Variants in CDIN1 observed in about 807,000 individuals in gnomAD.
The protein encoded by CDIN1 is CDAN1 interacting nuclease 1.
In CDIN1, 33 loss-of-function variants were observed where a neutral mutation model predicts 45.3. That is an observed-to-expected ratio of 0.73 (90% CI 0.55 to 0.97). The LOEUF is 0.97. CDIN1 is among the 50% of genes least tolerant of loss of function. The pLI is 0.00. For synonymous variants in CDIN1, 118 were observed against 124.4 expected (o/e 0.95, Z 0.34); for missense variants, 303 against 339.4 (o/e 0.89, Z 0.84).
intron 10 of CDIN1, among the ~76,000 whole-genome samples, chr15:36,764,022 C>G (rs2053845297): frequency 6.6e-6 from 1 of 152,178 alleles, no homozygotes; most frequent in Non-Finnish European, 1.5e-5. Context: ...ATCACCCCTT[C>G]TATTCAGACT....
chr15:36,601,244 G>T (rs1488888385), intron 1 of CDIN1, among the ~76,000 whole-genome samples: 3 of 152,132 alleles, frequency 2.0e-5, no homozygotes, highest in South Asian at 2.1e-4. Flanking sequence ...CCTTCAGCAC[G>T]GGGTAACTTG....
At chr15:36,637,513 T>G (rs1247588136) in intron 1 of CDIN1, among the ~76,000 whole-genome samples, 1 of 152,102 alleles carries the variant, frequency 6.6e-6, no homozygotes, top group African/African-American at 2.4e-5. Context: ...TTCTGTAGTG[T>G]TGGTGGGAGT....
chr15:36,620,450 G>T lies in CDIN1; in HGVS notation c.102-23828G>T, dbSNP rs530250521. ...ATTTCAGAGTCTTAAAATTCCCTGT[G>T]ATTCCCCCTGCTAAAATGGGAAACA... On this transcript the variant is annotated intron_variant, in intron 1 of 10. Coordinates refer to ENST00000566621, the MANE Select transcript of CDIN1 (RefSeq NM_001321759.2). Among the ~76,000 whole-genome samples the T allele has an allele frequency of 3.3e-5, 5 of 152,282 alleles. No homozygotes were observed. In the East Asian group the frequency reaches 9.6e-4, roughly 29 times the overall value.
chr15:36,684,310 T>G (rs1240945396), intron 5 of CDIN1, among the ~76,000 whole-genome samples: 2 of 152,186 alleles, frequency 1.3e-5, no homozygotes, highest in Admixed American at 1.3e-4. Context: ...GTCAAAGGCC[T>G]TTTCTGCATA....
At chr15:36,761,926 G>A (rs1040564658) in intron 10 of CDIN1, among the ~76,000 whole-genome samples, 12 of 152,112 alleles carry the variant, frequency 7.9e-5, no homozygotes, top group Non-Finnish European at 1.8e-4. Context: ...AATTTAATGG[G>A]TCTAATAGCA....
chr15:36,599,725 G>A (rs2038008595), intron 1 of CDIN1, among the ~76,000 whole-genome samples: 1 of 152,144 alleles, frequency 6.6e-6, no homozygotes, highest in Non-Finnish European at 1.5e-5. Flanking sequence ...TAAGAAGAAG[G>A]CATAAGAAAG....
intron 1 of CDIN1, among the ~76,000 whole-genome samples, chr15:36,638,991 G>A (rs894467593): frequency 2.6e-5 from 4 of 152,178 alleles, no homozygotes; most frequent in African/African-American, 9.7e-5. Context: ...TCTTCTAGCT[G>A]TTTAATTATG....
At chr15:36,703,235 A>T (rs1239499569) in intron 8 of CDIN1, among the ~76,000 whole-genome samples, 1 of 47,518 alleles carries the variant, frequency 2.1e-5, no homozygotes, top group African/African-American at 1.1e-4. Context: ...TATATATATC[A>T]GATATATATA....
intron 10 of CDIN1, among the ~76,000 whole-genome samples, chr15:36,807,069 C>T (rs1167410183): frequency 6.6e-6 from 1 of 152,184 alleles, no homozygotes; most frequent in Non-Finnish European, 1.5e-5. Context: ...TCTGTACCTG[C>T]ACAGAGGGGA....
chr15:36,732,631 A>G (rs1245401316), intron 10 of CDIN1, among the ~76,000 whole-genome samples: 1 of 152,102 alleles, frequency 6.6e-6, no homozygotes, highest in Non-Finnish European at 1.5e-5. Context: ...ATATAAGTTC[A>G]TAGGGAAAGA....
chr15:36,728,519 C>T (rs1013927571), intron 10 of CDIN1, among the ~76,000 whole-genome samples: 2 of 151,410 alleles, frequency 1.3e-5, no homozygotes, highest in Non-Finnish European at 2.9e-5. Context: ...TCGATAGCTC[C>T]ACCTCTAAAT....
chr15:36,613,448 G>A (rs1191754127), intron 1 of CDIN1: 30 of 1,527,990 alleles, frequency 2.0e-5, no homozygotes, highest in African/African-American at 5.5e-5. Flanking sequence ...GAACTGGAGC[G>A]TGAGCAGTAG....
chr15:36,749,135 T>G (rs2053388339), intron 10 of CDIN1, among the ~76,000 whole-genome samples: 1 of 152,204 alleles, frequency 6.6e-6, no homozygotes, highest in African/African-American at 2.4e-5. Flanking sequence ...AATATACATA[T>G]TAAATGATGT....
intron 1 of CDIN1, among the ~76,000 whole-genome samples, chr15:36,587,435 T>C (rs2037357541): frequency 6.6e-6 from 1 of 151,812 alleles, no homozygotes; most frequent in Non-Finnish European, 1.5e-5. Context: ...GCTGGCCATA[T>C]TGTGTATTGT....
intron 1 of CDIN1, chr15:36,626,752 G>C (rs970016842): frequency 2.5e-6 from 1 of 406,718 alleles, no homozygotes; most frequent in East Asian, 7.7e-5. Flanking sequence ...GTGTTTTATA[G>C]TCCCTTACTT....
At chr15:36,762,222 C>T (rs2053785186) in intron 10 of CDIN1, among the ~76,000 whole-genome samples, 1 of 152,176 alleles carries the variant, frequency 6.6e-6, no homozygotes, top group South Asian at 2.1e-4. Context: ...CCCTCTGTTT[C>T]TAACCTCTCC....
chr15:36,784,591 C>T (rs79849434), intron 10 of CDIN1, among the ~76,000 whole-genome samples: 10 of 152,154 alleles, frequency 6.6e-5, no homozygotes, highest in Middle Eastern at 3.2e-3. Context: ...GCAGCAGTGA[C>T]GAATAATCTA....
intron 10 of CDIN1, among the ~76,000 whole-genome samples, chr15:36,775,857 GT>G (rs1386994728): frequency 2.0e-5 from 3 of 151,652 alleles, no homozygotes; most frequent in Non-Finnish European, 2.9e-5. Context: ...TTTTTCTTTG[GT>G]TTCTACCTGG....
chr15:36,689,500 C>T (rs1376561976), intron 5 of CDIN1, among the ~76,000 whole-genome samples: 1 of 152,086 alleles, frequency 6.6e-6, no homozygotes, highest in Non-Finnish European at 1.5e-5. Flanking sequence ...TTTCTTAGGC[C>T]TCTGCTGGCA....
Sources: gnomAD v4.1 joint callset for allele counts (sites outside exome capture counted in the v4.1 genomes callset) on GRCh38, gnomAD v4.1.1 for gene constraint, MANE v1.5 for transcripts, NCBI Gene and HGNC (gene_info 2026-07-23, HGNC 2026-07-21) for gene names.